FAM13C: variants seen among roughly 807,000 people sequenced by gnomAD.
FAM13C encodes the protein family with sequence similarity 13 member C, also known as protein FAM13C.
FAM13C carries 37 observed loss-of-function variants against 73.2 expected under a neutral mutation model. The observed-to-expected ratio is 0.51, with a 90% CI of 0.39 to 0.67. The LOEUF (loss-of-function observed/expected upper bound fraction) is 0.67. FAM13C is among the 30% of genes least tolerant of loss of function. The probability of loss-of-function intolerance (pLI) is 0.00; values close to 1 mark genes in which losing one functional copy is unlikely to be tolerated. For synonymous variants in FAM13C, 246 were observed against 260.9 expected (o/e 0.94, Z 0.55); for missense variants, 589 against 715.6 (o/e 0.82, Z 2.02).
chr10:59,293,768 C>T (rs1379237843), intron 5 of FAM13C, among the ~76,000 whole-genome samples: 2 of 152,172 alleles, frequency 1.3e-5, no homozygotes, highest in Admixed American at 1.3e-4. Context: ...GAAGTGAGGA[C>T]AGCAAAGTCC....
rs1469966619 is a variant in FAM13C at position 59,270,088 on chromosome 10, T to A, written c.614A>T (p.Asp205Val). 1 of 1,613,132 alleles carries A rather than the reference T, an allele frequency of 6.2e-7. No homozygotes were observed. Among genetic ancestry groups the A allele is most frequent in the Non-Finnish European group, 8.5e-7 (1 of 1,179,708 alleles). The change falls in exon 7 of 14, where the codon GAT becomes GTT. Residue 205 changes from aspartate to valine, a missense_variant. Asp to Val is a radical substitution (Grantham distance 152). Transcript: ENST00000618804. ...TGCACTGTCGGCCTCATTCTGCCCATCTTTGTGGACTGGTGAGGGGTCTGG... is the reference window on the plus strand; with the variant it reads ...TGCACTGTCGGCCTCATTCTGCCCAACTTTGTGGACTGGTGAGGGGTCTGG... ...DSADPSPVHK[D>V]GQNEADSAPE...
chr10:59,255,522 C>T (rs1009506925), intron 10 of FAM13C, among the ~76,000 whole-genome samples: 3 of 152,104 alleles, frequency 2.0e-5, no homozygotes, highest in African/African-American at 7.2e-5. Flanking sequence ...TAATTTTCTG[C>T]ATGTCTAGTA....
intron 8 of FAM13C, 34 bp from the exon 9 acceptor site, chr10:59,264,200 G>A: frequency 7.5e-7 from 1 of 1,338,224 alleles, no homozygotes; most frequent in Non-Finnish European, 1.1e-6. Context: ...GGGTGGAAGG[G>A]AGGGAAGGAG....
chr10:59,351,849 A>G (rs556492263), intron 3 of FAM13C, among the ~76,000 whole-genome samples: 3 of 152,146 alleles, frequency 2.0e-5, no homozygotes, highest in African/African-American at 7.2e-5. Context: ...CAAAAAAATT[A>G]GCCAGGCATG....
chr10:59,322,831 G>A (rs1850505910), intron 4 of FAM13C, among the ~76,000 whole-genome samples: 2 of 152,192 alleles, frequency 1.3e-5, no homozygotes, highest in Non-Finnish European at 2.9e-5. Flanking sequence ...ATACCTCAAA[G>A]AGGAGGGAGA....
chr10:59,352,721 CAT>C (rs1374688342), intron 2 of FAM13C, among the ~76,000 whole-genome samples: 1 of 152,162 alleles, frequency 6.6e-6, no homozygotes, highest in Non-Finnish European at 1.5e-5. Flanking sequence ...TAACTATACA[CAT>C]ATCATTATTA....
rs1856528774 is a variant in FAM13C, at chr10:59,362,414, C to G, written c.47G>C (p.Ser16Thr). The G allele has an allele frequency of 6.2e-7, 1 of 1,614,048 alleles. No individual in the cohort carries two copies. Among genetic ancestry groups the G allele is most frequent in the Non-Finnish European group, 8.5e-7 (1 of 1,179,978 alleles). Residue 16 changes from serine (S) to threonine (T), a missense_variant, in exon 1 of 14, where the codon AGC becomes ACC. Ser to Thr is a moderately conservative substitution (Grantham distance 58). Transcript: ENST00000618804. Reference protein sequence around the residue: ...CFSLQDNSFSSTTVTECDEDP... With the variant: ...CFSLQDNSFSTTTVTECDEDP... ...AATCACTTACTCTGTTACAGTGGTGCTGCTGAAGGAATTATCCTGAAGGCT... is the reference window on the plus strand; with the variant it reads ...AATCACTTACTCTGTTACAGTGGTGGTGCTGAAGGAATTATCCTGAAGGCT...
At chr10:59,361,588 TAGA>T (rs1321318024) in intron 1 of FAM13C, among the ~76,000 whole-genome samples, 1 of 151,280 alleles carries the variant, frequency 6.6e-6, no homozygotes, top group Non-Finnish European at 1.5e-5. Context: ...GAAAGAATGC[TAGA>T]TGAAGTACAT....
At chr10:59,338,635 T>C (rs750099720) in intron 3 of FAM13C, among the ~76,000 whole-genome samples, 8 of 152,234 alleles carry the variant, frequency 5.3e-5, no homozygotes, top group Non-Finnish European at 1.0e-4. Flanking sequence ...ATACAACTAC[T>C]AAATCTAAAT....
At chr10:59,313,242 TTAG>T (rs573547974) in intron 4 of FAM13C, among the ~76,000 whole-genome samples, 127 of 152,324 alleles carry the variant, frequency 8.3e-4, no homozygotes, top group African/African-American at 3.0e-3. Context: ...ATATTTGCCC[TTAG>T]TTCAATTTTT....
chr10:59,362,574 A>G, upstream of FAM13C: 1 of 1,540,170 alleles, frequency 6.5e-7, no homozygotes, highest in Non-Finnish European at 8.7e-7. Flanking sequence ...CGCTCGCTCT[A>G]CCTTGGGCTG....
intron 3 of FAM13C, among the ~76,000 whole-genome samples, chr10:59,339,900 T>C (rs1296412284): frequency 2.6e-5 from 4 of 152,136 alleles, no homozygotes; most frequent in Non-Finnish European, 4.4e-5. Flanking sequence ...GATTATTTTA[T>C]GTGTGTGTGT....
rs766287927 is a variant in FAM13C at position 59,247,603 on chromosome 10, T to C, written c.*11A>G. 14 of 1,613,226 alleles carry C rather than the reference T, an allele frequency of 8.7e-6. No homozygotes were observed. Among genetic ancestry groups the C allele is most frequent in the South Asian group, 2.2e-5 (2 of 90,968 alleles). Reference sequence around the variant, plus strand: ...ATCATGGGTGAAAGTGATCATAACATTTCCTGAACCTCAAATAGTTTTGGC... The same window carrying C: ...ATCATGGGTGAAAGTGATCATAACACTTCCTGAACCTCAAATAGTTTTGGC... On this transcript the variant is annotated 3_prime_UTR_variant, in exon 14 of 14. Coordinates refer to ENST00000618804, the MANE Select transcript of FAM13C (RefSeq NM_198215.4).
chr10:59,337,916 G>T (rs1852956554), intron 3 of FAM13C, among the ~76,000 whole-genome samples: 2 of 151,782 alleles, frequency 1.3e-5, no homozygotes, highest in Non-Finnish European at 2.9e-5. Context: ...CTGACCTCAG[G>T]TAATCCACCC....
At chr10:59,330,878 C>T (rs1382634555) in intron 3 of FAM13C, among the ~76,000 whole-genome samples, 1 of 152,170 alleles carries the variant, frequency 6.6e-6, no homozygotes, top group Admixed American at 6.5e-5. Context: ...TCTGTAACTA[C>T]CATGCCTGAG....
chr10:59,359,450 T>C (rs1437638562), intron 1 of FAM13C, among the ~76,000 whole-genome samples: 1 of 152,246 alleles, frequency 6.6e-6, no homozygotes, highest in Non-Finnish European at 1.5e-5. Flanking sequence ...TAAAATGTAG[T>C]TGTGCTATAA....
intron 6 of FAM13C, among the ~76,000 whole-genome samples, chr10:59,278,657 G>A (rs923523519): frequency 1.1e-4 from 17 of 151,736 alleles, no homozygotes; most frequent in East Asian, 1.9e-4. Flanking sequence ...CCTCGAGGGC[G>A]GCAAAAAATA....
chr10:59,255,479 T>G (rs1054118546), intron 10 of FAM13C, among the ~76,000 whole-genome samples: 1 of 152,108 alleles, frequency 6.6e-6, no homozygotes, highest in African/African-American at 2.4e-5. Context: ...CTCCTCTGCT[T>G]GCATTGGTTT....
At chr10:59,337,417 G>T (rs1852861421) in intron 3 of FAM13C, among the ~76,000 whole-genome samples, 1 of 152,328 alleles carries the variant, frequency 6.6e-6, no homozygotes, top group African/African-American at 2.4e-5. Flanking sequence ...CTGGGCATGT[G>T]CACTAGAGTT....
Sources: gnomAD v4.1 joint callset for allele counts (sites outside exome capture counted in the v4.1 genomes callset) on GRCh38, gnomAD v4.1.1 for gene constraint, MANE v1.5 for transcripts, NCBI Gene and HGNC (gene_info 2026-07-23, HGNC 2026-07-21) for gene names.